C4orf51: variants seen among roughly 807,000 people sequenced by gnomAD.
The protein encoded by C4orf51 is uncharacterized protein C4orf51.
A neutral mutation model predicts 25.2 loss-of-function variants in C4orf51; 25 were observed. The observed-to-expected ratio is 0.99, with a 90% CI of 0.72 to 1.39. The LOEUF is 1.39. Ranked by LOEUF, C4orf51 falls within the 40% of genes most tolerant of loss-of-function variation. The probability of loss-of-function intolerance (pLI) is 0.00; values close to 1 mark genes in which losing one functional copy is unlikely to be tolerated. For synonymous variants in C4orf51, 100 were observed against 84.5 expected (o/e 1.18, Z -1.01); for missense variants, 252 against 239.6 (o/e 1.05, Z -0.34).
intron 1 of C4orf51, among the ~76,000 whole-genome samples, chr4:145,746,048 C>T (rs1298378715): frequency 6.6e-6 from 1 of 152,108 alleles, no homozygotes; most frequent in African/African-American, 2.4e-5. Context: ...ATCTTTTGCC[C>T]ATTTTAAAAT....
Position 145,714,100 on chromosome 4 carries a change from T to C in C4orf51, c.308-12811T>C, listed in dbSNP as rs138983358. ...ACCTGGCTCATTTTATTTTTAGACA[T>C]AATGCTATTGCACACCTAATAGACT... On this transcript the variant is annotated intron_variant, in intron 2 of 5. Coordinates refer to ENST00000438731, the MANE Select transcript of C4orf51 (RefSeq NM_001080531.3). Among the ~76,000 whole-genome samples, 207 of 152,296 alleles carry C rather than the reference T, an allele frequency of 1.4e-3. 1 individual carries two copies. The highest frequency in any genetic ancestry group is 4.7e-3 in the African/African-American group (194 of 41,554).
the C4orf51 span, among the ~76,000 whole-genome samples, chr4:145,781,457 CAAT>C: frequency 6.6e-6 from 1 of 152,040 alleles, no homozygotes; most frequent in Non-Finnish European, 1.5e-5. Context: ...GGTGAAATTG[CAAT>C]AATGTTCGCT....
intron 1 of C4orf51, among the ~76,000 whole-genome samples, chr4:145,743,617 C>G (rs1342078307): frequency 3.3e-5 from 5 of 152,230 alleles, no homozygotes; most frequent in African/African-American, 1.2e-4. Context: ...TTTCTTAGTG[C>G]TGCTAGAATT....
chr4:145,690,819 G>A (rs1729505211), intron 1 of C4orf51, among the ~76,000 whole-genome samples: 1 of 151,872 alleles, frequency 6.6e-6, no homozygotes, highest in Non-Finnish European at 1.5e-5. Context: ...GTGCACAAAG[G>A]GCCAGGTGTG....
intron 3 of C4orf51, among the ~76,000 whole-genome samples, chr4:145,727,394 T>G (rs1224727971): frequency 6.6e-6 from 1 of 152,210 alleles, no homozygotes; most frequent in African/African-American, 2.4e-5. Context: ...TCTCTATACT[T>G]ATGTATACAT....
At chr4:145,710,313 C>G (rs1731061326) in intron 2 of C4orf51, among the ~76,000 whole-genome samples, 1 of 152,194 alleles carries the variant, frequency 6.6e-6, no homozygotes, top group Admixed American at 6.5e-5. Context: ...GTAAAGTACA[C>G]TTGGAAGAGG....
chr4:145,752,402 C>A (rs923103743), intron 1 of C4orf51, among the ~76,000 whole-genome samples: 1 of 152,174 alleles, frequency 6.6e-6, no homozygotes, highest in African/African-American at 2.4e-5. Flanking sequence ...CTCTTCAAGG[C>A]AGCAATTTCT....
At chr4:145,685,664 G>C (rs913904536) in intron 1 of C4orf51, among the ~76,000 whole-genome samples, 1 of 152,206 alleles carries the variant, frequency 6.6e-6, no homozygotes, top group African/African-American at 2.4e-5. Flanking sequence ...GATTAGGTCA[G>C]TGGTCGATCT....
intron 1 of C4orf51, among the ~76,000 whole-genome samples, chr4:145,692,501 G>A (rs1729649987): frequency 6.6e-6 from 1 of 152,186 alleles, no homozygotes; most frequent in African/African-American, 2.4e-5. Flanking sequence ...ACTGGGGATT[G>A]AGCTAAAAAA....
At chr4:145,681,319 TGATA>T (rs1420563694) in intron 1 of C4orf51, among the ~76,000 whole-genome samples, 1 of 152,242 alleles carries the variant, frequency 6.6e-6, no homozygotes, top group African/African-American at 2.4e-5. Context: ...CATAATACCC[TGATA>T]AATATTAGTT....
chr4:145,756,719 C>G (rs1733975689), downstream of C4orf51, among the ~76,000 whole-genome samples: 1 of 152,106 alleles, frequency 6.6e-6, no homozygotes, highest in Non-Finnish European at 1.5e-5. Context: ...CCAGCCACCT[C>G]AACACAAAAT....
the C4orf51 span, among the ~76,000 whole-genome samples, chr4:145,779,212 T>C: frequency 9.2e-5 from 14 of 152,366 alleles, no homozygotes; most frequent in Admixed American, 6.5e-4. Context: ...TAAAAAAGCC[T>C]TTCCAAGGTC....
At chr4:145,755,282 T>C (rs1167128266), downstream of C4orf51, among the ~76,000 whole-genome samples, 1 of 152,190 alleles carries the variant, frequency 6.6e-6, no homozygotes, top group East Asian at 1.9e-4. Flanking sequence ...GGTTTGTAAC[T>C]CAGGTAGCCT....
chr4:145,692,953 G>GTTTTTTGT, intron 1 of C4orf51, among the ~76,000 whole-genome samples: 1 of 100,970 alleles, frequency 9.9e-6, no homozygotes, highest in East Asian at 3.2e-4. Context: ...TAAGTTTTTA[G>GTTTTTTGT]TTTTTTTTTT....
At chr4:145,753,990 C>A (rs11942678) in intron 1 of C4orf51, among the ~76,000 whole-genome samples, 28,952 of 152,214 alleles carry the variant, frequency 0.19, 3,748 homozygotes, top group East Asian at 0.67. Context: ...TGACACAGTG[C>A]TGTCCTTGGC....
chr4:145,695,817 A>C (rs1476774075), intron 1 of C4orf51, among the ~76,000 whole-genome samples: 2 of 152,238 alleles, frequency 1.3e-5, no homozygotes, highest in African/African-American at 4.8e-5. Flanking sequence ...TACATCATGA[A>C]ATACTATGCA....
intron 1 of C4orf51, among the ~76,000 whole-genome samples, chr4:145,751,202 G>A (rs1579036175): frequency 6.6e-6 from 1 of 152,074 alleles, no homozygotes; most frequent in South Asian, 2.1e-4. Flanking sequence ...GATGCTTGAG[G>A]ATGTTCAACA....
downstream of C4orf51, among the ~76,000 whole-genome samples, chr4:145,754,531 C>T (rs1733837711): frequency 6.6e-6 from 1 of 152,184 alleles, no homozygotes; most frequent in Non-Finnish European, 1.5e-5. Context: ...ATCCATCTGG[C>T]AAACCCCTAA....
rs768844807 is a variant in C4orf51 at position 145,764,951 on chromosome 4, A to T, written n.167-6037A>T. On this transcript the variant is annotated intron_variant and non_coding_transcript_variant, in intron 1 of 1. Transcript: ENST00000510096. ...AGGGAAGGGGAAAGGGTATTTAATAACAACGCAGTAAAAGGTTCTGTACTT... is the reference window on the plus strand; with the variant it reads ...AGGGAAGGGGAAAGGGTATTTAATATCAACGCAGTAAAAGGTTCTGTACTT... 2.7e-5 allele frequency: 43 copies of T among 1,608,386 alleles called. No individual in the cohort carries two copies. The South Asian group carries it at 4.4e-4, about 17-fold the overall frequency.
Sources: gnomAD v4.1 joint callset for allele counts (sites outside exome capture counted in the v4.1 genomes callset) on GRCh38, gnomAD v4.1.1 for gene constraint, MANE v1.5 for transcripts, NCBI Gene and HGNC (gene_info 2026-07-23, HGNC 2026-07-21) for gene names.